Variants in ENPEP observed in about 807,000 individuals in gnomAD.
ENPEP encodes AP-A.
A neutral mutation model predicts 114.5 loss-of-function variants in ENPEP; 103 were observed. That is an observed-to-expected ratio of 0.90 (90% CI 0.77 to 1.06). ENPEP has a LOEUF of 1.06. Among genes scored for constraint, ENPEP ranks in the 50% least tolerant of loss-of-function variants. The pLI, the probability that ENPEP is intolerant of heterozygous loss-of-function variation, is 0.00. For missense variants in ENPEP, 1,196 were observed against 1,161.3 expected, an observed-to-expected ratio of 1.03 and a Z score of -0.43; for synonymous variants, 420 against 422.0, an observed-to-expected ratio of 1.00 and a Z score of 0.06.
rs577314683 is a variant in ENPEP at position 110,490,120 on chromosome 4, A to C, written c.787-913A>C. ...CAACTTCTGCTTAAGAACTTCCCTT[A>C]TGGCCTTTTCACTGTGCAGAGTTAC... On this transcript the variant is annotated intron_variant, in intron 2 of 19. Transcript: ENST00000265162. Among the ~76,000 whole-genome samples the C allele has an allele frequency of 1.4e-4, 21 of 152,266 alleles. No individual in the cohort carries two copies. The South Asian group carries it at 4.4e-3, about 32-fold the overall frequency.
At chr4:110,528,220 A>G (rs1052192424) in intron 10 of ENPEP, among the ~76,000 whole-genome samples, 2 of 152,150 alleles carry the variant, frequency 1.3e-5, no homozygotes, top group African/African-American at 2.4e-5. Context: ...TTTTTTAAGA[A>G]GTCATATATG....
intron 18 of ENPEP, 115 bp downstream of exon 18, chr4:110,553,570 A>G: frequency 9.9e-7 from 1 of 1,007,414 alleles, no homozygotes. Context: ...AAATGGCATT[A>G]TTAGAGGTAA....
At chr4:110,538,637 T>C (rs1226711305) in intron 11 of ENPEP, among the ~76,000 whole-genome samples, 1 of 152,234 alleles carries the variant, frequency 6.6e-6, no homozygotes, top group Non-Finnish European at 1.5e-5. Context: ...TTTTTCTTTA[T>C]GTTTAGAACT....
chr4:110,486,077 G>T (rs551399392), intron 1 of ENPEP, among the ~76,000 whole-genome samples: 1 of 152,194 alleles, frequency 6.6e-6, no homozygotes, highest in East Asian at 1.9e-4. Context: ...GGCATCCACT[G>T]ATGATTTTTT....
At chr4:110,486,676 A>T (rs4277845) in intron 1 of ENPEP, among the ~76,000 whole-genome samples, 86,464 of 151,806 alleles carry the variant, frequency 0.57, 24,810 homozygotes, top group East Asian at 0.77. Context: ...CTCCTAAGTT[A>T]TTTATTTATT....
chr4:110,539,287 C>A (rs1307844714), intron 11 of ENPEP, among the ~76,000 whole-genome samples: 1 of 152,096 alleles, frequency 6.6e-6, no homozygotes, highest in Non-Finnish European at 1.5e-5. Context: ...ATTCTCTAGG[C>A]CACTTGCTGA....
chr4:110,540,458 T>C (rs1040246715), intron 11 of ENPEP, among the ~76,000 whole-genome samples: 3 of 152,130 alleles, frequency 2.0e-5, no homozygotes, highest in African/African-American at 4.8e-5. Context: ...AAACATACAG[T>C]ATATTAGTCC....
At chr4:110,509,515 C>A in intron 4 of ENPEP, 138 bp from the exon 5 acceptor site, 2 of 1,117,986 alleles carry the variant, frequency 1.8e-6, no homozygotes, top group Non-Finnish European at 2.5e-6. Flanking sequence ...TGTTCGCACA[C>A]ATGATTACAG....
chr4:110,532,852 A>AT (rs1726459533), intron 11 of ENPEP, among the ~76,000 whole-genome samples: 1 of 151,994 alleles, frequency 6.6e-6, no homozygotes, highest in Non-Finnish European at 1.5e-5. Flanking sequence ...TTGTTTTAGT[A>AT]TTTTATGCTG....
intron 4 of ENPEP, among the ~76,000 whole-genome samples, chr4:110,508,512 T>C (rs1033627893): frequency 1.1e-4 from 16 of 152,218 alleles, no homozygotes; most frequent in Non-Finnish European, 1.9e-4. Context: ...TATAAAAAGC[T>C]CTAAGAATAT....
chr4:110,510,032 C>G (rs1725517059), intron 5 of ENPEP, among the ~76,000 whole-genome samples: 1 of 152,000 alleles, frequency 6.6e-6, no homozygotes. Context: ...ATTTATGTAC[C>G]CCAGTAATAA....
intron 13 of ENPEP, among the ~76,000 whole-genome samples, 165 bp from the exon 14 acceptor site, chr4:110,548,010 TG>T (rs1727130947): frequency 6.6e-6 from 1 of 152,178 alleles, no homozygotes; most frequent in Non-Finnish European, 1.5e-5. Flanking sequence ...ACTTTTTGAT[TG>T]GGCTTCAACC....
intron 8 of ENPEP, among the ~76,000 whole-genome samples, chr4:110,518,615 C>A (rs948669922): frequency 2.0e-5 from 3 of 152,100 alleles, no homozygotes; most frequent in Non-Finnish European, 2.9e-5. Flanking sequence ...CAAGAAACTG[C>A]AATTTTAAAA....
At chr4:110,534,723 G>T (rs1191778765) in intron 11 of ENPEP, among the ~76,000 whole-genome samples, 3 of 151,396 alleles carry the variant, frequency 2.0e-5, no homozygotes, top group African/African-American at 4.9e-5. Context: ...TGGCCAGGCT[G>T]GTCTTGAACT....
chr4:110,512,668 C>T (rs1578402269), intron 6 of ENPEP: 1 of 152,284 alleles, frequency 6.6e-6, no homozygotes, highest in East Asian at 1.9e-4. Context: ...ACTATAGCAG[C>T]TAATGGGTTA....
chr4:110,549,390 A>T lies in ENPEP; in HGVS notation c.2196A>T (p.Gly732=). 6.2e-7 allele frequency: 1 copy of T among 1,613,346 alleles called. No individual in the cohort carries two copies. Among genetic ancestry groups the T allele is most frequent in the Non-Finnish European group, 8.5e-7 (1 of 1,179,514 alleles). ...GQVKPIADSL[G]WNDAGDHVTK... is the part of the protein sequence containing the mutation. ...TGAAGCCTATTGCAGATTCTCTGGG[A>T]TGGAATGATGCTGGAGACCATGTCA... is the stretch of plus-strand genomic sequence containing the variant. The change falls in exon 15 of 20, where the codon GGA becomes GGT. Residue 732 remains glycine, a synonymous_variant. Transcript: ENST00000265162.
At position 110,542,767 on chromosome 4, in the gene ENPEP, C is replaced by A. The variant is rs373016676; in HGVS notation, c.1824C>A (p.Ser608=). ...CTACTACAGGAATCACTTTGAACTC[C>A]TCTAATCCTAGTGGAAATGCTTTTC... ...RSEKEGITLN[S]SNPSGNAFLK... The change falls in exon 12 of 20, where the codon TCC becomes TCA. Residue 608 remains serine (S), a synonymous_variant. Transcript: ENST00000265162. The A allele has an allele frequency of 1.9e-6, 3 of 1,612,640 alleles. No individual in the cohort carries two copies. The highest frequency in any genetic ancestry group is 2.5e-6 in the Non-Finnish European group (3 of 1,179,110).
chr4:110,483,092 G>T (rs1169829138), intron 1 of ENPEP, among the ~76,000 whole-genome samples: 1 of 151,894 alleles, frequency 6.6e-6, no homozygotes, highest in African/African-American at 2.4e-5. Flanking sequence ...TATTTTGGAA[G>T]CAAGAAAACA....
chr4:110,530,081 G>GAA (rs55704506), intron 10 of ENPEP, among the ~76,000 whole-genome samples: 8 of 150,348 alleles, frequency 5.3e-5, no homozygotes, highest in Non-Finnish European at 7.4e-5. Context: ...CGTCTAAAAA[G>GAA]AAAAAAAAAG....
Sources: allele counts gnomAD v4.1 joint callset (sites outside exome capture counted in the v4.1 genomes callset), GRCh38; gene constraint gnomAD v4.1.1; transcripts MANE v1.5; gene names NCBI Gene and HGNC (gene_info 2026-07-23, HGNC 2026-07-21).